Variants in RBM33 observed in about 807,000 individuals in gnomAD.
The protein encoded by RBM33 is RNA binding motif protein 33, also known as RNA-binding protein 33.
Under a neutral mutation model 132.6 loss-of-function variants are expected in RBM33, and 28 were observed. The ratio of observed to expected loss-of-function variants is 0.21; its 90% CI spans 0.16 to 0.29. The LOEUF is 0.29. Among genes scored for constraint, RBM33 ranks in the 10% least tolerant of loss-of-function variants. The pLI is 1.00. For synonymous variants in RBM33, 634 were observed against 593.0 expected, an observed-to-expected ratio of 1.07 and a Z score of -1.01; for missense variants, 1,291 against 1,518.5, an observed-to-expected ratio of 0.85 and a Z score of 2.49.
intron 9 of RBM33, among the ~76,000 whole-genome samples, chr7:155,737,245 C>CATGTGTGTGT (rs35173349): frequency 6.7e-6 from 1 of 149,262 alleles, no homozygotes; most frequent in South Asian, 2.1e-4. Flanking sequence ...TCTAGGTGCG[C>CATGTGTGTGT]GTGTGTGTGT....
At chr7:155,683,120 A>G (rs890561373) in intron 5 of RBM33, among the ~76,000 whole-genome samples, 7 of 152,082 alleles carry the variant, frequency 4.6e-5, no homozygotes, top group Non-Finnish European at 1.0e-4. Context: ...ATGTCAGTTC[A>G]TCTTGATACA....
At position 155,651,961 on chromosome 7, in the gene RBM33, A is replaced by G. The variant is rs539176939; in HGVS notation, c.43+7042A>G. On this transcript the variant is annotated intron_variant, in intron 1 of 17. Transcript: ENST00000401878. Reference sequence around the variant, plus strand: ...GACTACAAATTATTTCTAAAGCAACATGGTGTAGGAACTCTTTCTGAAAAT... The same window carrying G: ...GACTACAAATTATTTCTAAAGCAACGTGGTGTAGGAACTCTTTCTGAAAAT... Among the ~76,000 whole-genome samples, 81 of 152,314 alleles carry G rather than the reference A, an allele frequency of 5.3e-4. 1 individual carries two copies. Among genetic ancestry groups the G allele is most frequent in the African/African-American group, 1.9e-3 (77 of 41,570 alleles).
chr7:155,645,083 C>G lies in RBM33; in HGVS notation c.43+164C>G, dbSNP rs895503850. On this transcript the variant is annotated intron_variant, in intron 1 of 17. Coordinates refer to ENST00000401878, the MANE Select transcript of RBM33 (RefSeq NM_053043.3). Reference sequence around the variant, plus strand: ...CTCCCTCGCCTTCCCTCGCTATTGTCATTCTCCCTTTCTCGCTCCTCCTCT... The same window carrying G: ...CTCCCTCGCCTTCCCTCGCTATTGTGATTCTCCCTTTCTCGCTCCTCCTCT... 5 of 524,730 alleles carry G rather than the reference C, an allele frequency of 9.5e-6. No individual in the cohort carries two copies. The African/African-American group carries it at 1.0e-4, about 11-fold the overall frequency. 32.5% of individuals were successfully genotyped at this position (524,730 alleles called of 1,614,324 possible).
At chr7:155,741,484 G>A (rs1801334055) in intron 12 of RBM33, among the ~76,000 whole-genome samples, 1 of 151,484 alleles carries the variant, frequency 6.6e-6, no homozygotes, top group Non-Finnish European at 1.5e-5. Flanking sequence ...GTGGTTTTTT[G>A]GCTGTCTTAA....
intron 5 of RBM33, among the ~76,000 whole-genome samples, chr7:155,685,975 A>G (rs541489987): frequency 2.1e-4 from 32 of 152,276 alleles, no homozygotes; most frequent in Non-Finnish European, 4.1e-4. Flanking sequence ...ATGAATGTGT[A>G]TGCTGTGCAC....
At chr7:155,725,239 G>A (rs1308218209) in intron 9 of RBM33, among the ~76,000 whole-genome samples, 19 of 136,774 alleles carry the variant, frequency 1.4e-4, no homozygotes, top group Non-Finnish European at 7.7e-5. Context: ...GAGGAAGTAC[G>A]GTATTCATAG....
intron 4 of RBM33, among the ~76,000 whole-genome samples, chr7:155,679,035 A>G (rs781709876): frequency 2.6e-5 from 4 of 152,134 alleles, no homozygotes; most frequent in Non-Finnish European, 5.9e-5. Context: ...AGCCAGGCGT[A>G]GTGGCCCGCG....
intron 1 of RBM33, among the ~76,000 whole-genome samples, chr7:155,662,089 CG>C (rs1798668160): frequency 6.6e-6 from 1 of 150,810 alleles, no homozygotes; most frequent in African/African-American, 2.5e-5. Flanking sequence ...ACCCCTCCGC[CG>C]AAGCTTCTGA....
At chr7:155,704,623 A>G (rs1244009667) in intron 6 of RBM33, among the ~76,000 whole-genome samples, 1 of 152,222 alleles carries the variant, frequency 6.6e-6, no homozygotes, top group Admixed American at 6.5e-5. Flanking sequence ...AATGTAAGCC[A>G]TAAATGAAAG....
At position 155,745,667 on chromosome 7, in the gene RBM33, C is replaced by T; in HGVS notation, c.2979+65C>T. 1 of 1,379,994 alleles carries T rather than the reference C, an allele frequency of 7.2e-7. No homozygotes were observed. The highest frequency in any genetic ancestry group is 9.7e-7 in the Non-Finnish European group (1 of 1,029,304). The allele number at this position is 1,379,994 out of a possible 1,614,324, so 85.5% of individuals were successfully genotyped here. The stretch of plus-strand genomic sequence containing the variant: ...GTATCACATAGAATGTCCTCATTTG[C>T]AGAGAATGTTTTTGAAGAAAGAATT... On this transcript the variant is annotated intron_variant, in intron 14 of 17. Coordinates refer to ENST00000401878, the MANE Select transcript of RBM33 (RefSeq NM_053043.3). This position sits in a 1 kb window ranked among gnomAD's most constrained non-coding sequence, Gnocchi z 4.1.
At chr7:155,667,717 G>A (rs889731311) in intron 2 of RBM33, among the ~76,000 whole-genome samples, 2 of 152,128 alleles carry the variant, frequency 1.3e-5, no homozygotes, top group African/African-American at 4.8e-5. Context: ...AAATTGGTTT[G>A]TGCTTTTTGT....
chr7:155,691,583 G>A (rs1347700882), intron 5 of RBM33, among the ~76,000 whole-genome samples: 1 of 140,948 alleles, frequency 7.1e-6, no homozygotes, highest in Non-Finnish European at 1.6e-5. Flanking sequence ...AGGTTTTGTA[G>A]ATTTCAGTTT....
chr7:155,689,088 A>C (rs1799558373), intron 5 of RBM33, among the ~76,000 whole-genome samples: 2 of 152,158 alleles, frequency 1.3e-5, no homozygotes, highest in African/African-American at 4.8e-5. Flanking sequence ...TTCGGCTGTG[A>C]ATCCATCTGG....
chr7:155,763,229 T>G (rs1197377570), intron 14 of RBM33, among the ~76,000 whole-genome samples: 2 of 152,250 alleles, frequency 1.3e-5, no homozygotes. Context: ...TTCTAGCCAG[T>G]ATTTTGTGAT....
chr7:155,669,406 G>T (rs1585414983), intron 2 of RBM33, among the ~76,000 whole-genome samples: 1 of 152,178 alleles, frequency 6.6e-6, no homozygotes, highest in Non-Finnish European at 1.5e-5. Flanking sequence ...GCTCTGGAGT[G>T]CAGTGGTGCG....
chr7:155,691,367 G>A (rs546742173), intron 5 of RBM33, among the ~76,000 whole-genome samples: 106 of 152,192 alleles, frequency 7.0e-4, no homozygotes, highest in African/African-American at 2.5e-3. Flanking sequence ...TTAGCCATTC[G>A]TCTAATCTTT....
rs1164763779 is a variant in RBM33 at position 155,766,519 on chromosome 7, G to A, written c.3239G>A (p.Arg1080His). 7 of 1,613,596 alleles carry A rather than the reference G, an allele frequency of 4.3e-6. No homozygotes were observed. The highest frequency in any genetic ancestry group is 1.3e-5 in the African/African-American group (1 of 74,910). ...GTGGCCGGTCCCATGGGCCGGGGGC[G>A]CCTGATGCCAAACAAGCAGAACCTG... is the stretch of plus-strand genomic sequence containing the variant. Reference protein sequence around the residue: ...RGVAGPMGRGRLMPNKQNLRV... With the variant: ...RGVAGPMGRGHLMPNKQNLRV... Residue 1080 changes from arginine (R) to histidine (H), a missense_variant, in exon 16 of 18, where the codon CGC (arginine) becomes CAC (histidine). By Grantham distance (29) the Arg-to-His change is conservative. Coordinates refer to ENST00000401878, the MANE Select transcript of RBM33 (RefSeq NM_053043.3).
In RBM33 at chr7:155,675,492, T is replaced by C. The variant is rs147953958; in HGVS notation, c.171+2577T>C. On this transcript the variant is annotated intron_variant, in intron 3 of 17. Transcript: ENST00000401878. Reference sequence around the variant, plus strand: ...GTACATTGAGGTTGTTTCCAGCTCATTGCTTATGACTTTTTTTTAAACCCT... The same window carrying C: ...GTACATTGAGGTTGTTTCCAGCTCACTGCTTATGACTTTTTTTTAAACCCT... Among the ~76,000 whole-genome samples, 122 of 152,260 alleles carry C rather than the reference T, an allele frequency of 8.0e-4. 1 individual carries two copies. The highest frequency in any genetic ancestry group is 2.8e-3 in the African/African-American group (117 of 41,534).
At chr7:155,714,072 C>G (rs10276894) in intron 8 of RBM33, among the ~76,000 whole-genome samples, 44,325 of 151,868 alleles carry the variant, frequency 0.29, 7,916 homozygotes, top group African/African-American at 0.5. Flanking sequence ...TTCGTGCTTT[C>G]GAAGAGTGGA....
Sources: gnomAD v4.1 joint callset for allele counts (sites outside exome capture counted in the v4.1 genomes callset) on GRCh38, gnomAD v4.1.1 for gene constraint, Gnocchi (gnomAD v3.1) non-coding constraint, MANE v1.5 for transcripts, NCBI Gene and HGNC (gene_info 2026-07-23, HGNC 2026-07-21) for gene names.